The following GRK5 variants were observed in gnomAD, a reference collection of about 807,000 sequenced individuals.
GRK5 encodes the protein G protein-coupled receptor kinase 5, also known as g protein-coupled receptor kinase GRK5.
In GRK5, 40 loss-of-function variants were observed where a neutral mutation model predicts 78.4. The observed-to-expected ratio is 0.51, with a 90% CI of 0.40 to 0.66. The LOEUF (loss-of-function observed/expected upper bound fraction) is 0.66. Among genes scored for constraint, GRK5 ranks in the 30% least tolerant of loss-of-function variants. The pLI is 0.00. For synonymous variants in GRK5, 289 were observed against 296.8 expected, an observed-to-expected ratio of 0.97 and a Z score of 0.27; for missense variants, 598 against 759.9, an observed-to-expected ratio of 0.79 and a Z score of 2.50.
intron 2 of GRK5, among the ~76,000 whole-genome samples, chr10:119,337,490 C>T (rs546164234): frequency 1.1e-4 from 16 of 152,232 alleles, no homozygotes; most frequent in Middle Eastern, 3.4e-3. Flanking sequence ...AGGCCTCTCC[C>T]GTGGCTTCTG....
intron 1 of GRK5, among the ~76,000 whole-genome samples, chr10:119,275,363 G>A (rs1849651086): frequency 6.6e-6 from 1 of 152,162 alleles, no homozygotes; most frequent in Non-Finnish European, 1.5e-5. Context: ...CCTCGGTCAG[G>A]CTTGGATACC....
intron 3 of GRK5, among the ~76,000 whole-genome samples, chr10:119,393,273 G>A (rs1354362545): frequency 1.3e-5 from 2 of 152,274 alleles, no homozygotes; most frequent in African/African-American, 4.8e-5. Context: ...GGCAGGGGAG[G>A]CCTGTCCCCG....
chr10:119,273,065 A>T (rs1371601326), intron 1 of GRK5, among the ~76,000 whole-genome samples: 1 of 152,220 alleles, frequency 6.6e-6, no homozygotes, highest in Non-Finnish European at 1.5e-5. Flanking sequence ...TTGATACCAC[A>T]TACAAGCCAG....
intron 2 of GRK5, among the ~76,000 whole-genome samples, chr10:119,327,359 T>C (rs1488736941): frequency 3.9e-5 from 6 of 152,164 alleles, no homozygotes; most frequent in African/African-American, 1.4e-4. Flanking sequence ...CCAGAGTGTT[T>C]GGGGTCCCGG....
intron 4 of GRK5, among the ~76,000 whole-genome samples, chr10:119,422,724 G>A (rs970481422): frequency 6.6e-6 from 1 of 152,236 alleles, no homozygotes; most frequent in Non-Finnish European, 1.5e-5. Flanking sequence ...AGCCTGCTGG[G>A]GGCTCAGTGA....
At chr10:119,307,340 AAT>A (rs1295347361) in intron 1 of GRK5, among the ~76,000 whole-genome samples, 1 of 152,078 alleles carries the variant, frequency 6.6e-6, no homozygotes, top group Non-Finnish European at 1.5e-5. Flanking sequence ...GCAACTTGTG[AAT>A]ATGTTACCTA....
chr10:119,246,864 A>G (rs1489299313), intron 1 of GRK5, among the ~76,000 whole-genome samples: 1 of 152,204 alleles, frequency 6.6e-6, no homozygotes, highest in Non-Finnish European at 1.5e-5. Context: ...GTCACCTGAG[A>G]AGGGCTGGTC....
Position 119,253,171 on chromosome 10 carries a change from G to A in GRK5, c.52+45202G>A, listed in dbSNP as rs1849229040. Among the ~76,000 whole-genome samples the A allele has an allele frequency of 6.6e-6, 1 of 152,176 alleles. No individual in the cohort carries two copies. Among genetic ancestry groups the A allele is most frequent in the Non-Finnish European group, 1.5e-5 (1 of 68,032 alleles). ...TGACAGCACAGGTTTGACAGAGGGT[G>A]TCTACACCACCCAGTGCCCCCTTGA... On this transcript the variant is annotated intron_variant, in intron 1 of 15. Transcript: ENST00000392870. The surrounding 1 kb of genome is among the most constrained non-coding windows in gnomAD (Gnocchi z 5.7).
At position 119,448,217 on chromosome 10, in the gene GRK5, A is replaced by G. The variant is rs1171690251; in HGVS notation, c.1361A>G (p.Lys454Arg). 6.3e-6 allele frequency: 10 copies of G among 1,597,902 alleles called. No homozygotes were observed. Among genetic ancestry groups the G allele is most frequent in the Non-Finnish European group, 8.5e-6 (10 of 1,173,124 alleles). ...RHPFFRNMNFKRLEAGMLDPP... is the reference protein window; with the variant it reads ...RHPFFRNMNFRRLEAGMLDPP... ...CCCTTCTTCAGGAACATGAACTTCAAGCGCTTAGAAGCCGGGATGTTGGAC... is the reference window on the plus strand; with the variant it reads ...CCCTTCTTCAGGAACATGAACTTCAGGCGCTTAGAAGCCGGGATGTTGGAC... Residue 454 changes from lysine to arginine, a missense_variant, in exon 13 of 16, where the codon AAG becomes AGG. Lys to Arg is a conservative substitution (Grantham distance 26). Transcript: ENST00000392870.
At position 119,448,220 on chromosome 10, in the gene GRK5, G is replaced by T; in HGVS notation, c.1364G>T (p.Arg455Leu). 1 of 1,597,760 alleles carries T rather than the reference G, an allele frequency of 6.3e-7. No individual in the cohort carries two copies. Among genetic ancestry groups the T allele is most frequent in the Non-Finnish European group, 8.5e-7 (1 of 1,173,098 alleles). Reference sequence around the variant, plus strand: ...TTCTTCAGGAACATGAACTTCAAGCGCTTAGAAGCCGGGATGTTGGACCCT... The same window carrying T: ...TTCTTCAGGAACATGAACTTCAAGCTCTTAGAAGCCGGGATGTTGGACCCT... ...HPFFRNMNFKRLEAGMLDPPF... is the reference protein window; with the variant it reads ...HPFFRNMNFKLLEAGMLDPPF... The change falls in exon 13 of 16, where the codon CGC (arginine) becomes CTC (leucine). Residue 455 changes from arginine (R) to leucine (L), a missense_variant. Coordinates refer to ENST00000392870, the MANE Select transcript of GRK5 (RefSeq NM_005308.3).
At chr10:119,268,136 C>T (rs908076295) in intron 1 of GRK5, among the ~76,000 whole-genome samples, 2 of 152,214 alleles carry the variant, frequency 1.3e-5, no homozygotes, top group African/African-American at 4.8e-5. Context: ...CAGCTCCATG[C>T]ACACGCCTAG....
chr10:119,364,191 C>A (rs891880605), intron 2 of GRK5, among the ~76,000 whole-genome samples: 1 of 152,158 alleles, frequency 6.6e-6, no homozygotes, highest in Non-Finnish European at 1.5e-5. Context: ...CAGATCCAAC[C>A]CCAGCCCAAT....
chr10:119,282,059 C>T (rs890910241), intron 1 of GRK5, among the ~76,000 whole-genome samples: 2 of 152,096 alleles, frequency 1.3e-5, no homozygotes, highest in Non-Finnish European at 2.9e-5. Context: ...TGGCCACTGT[C>T]GCTTTCTGTG....
chr10:119,337,491 G>A (rs567733392), intron 2 of GRK5, among the ~76,000 whole-genome samples: 16 of 152,150 alleles, frequency 1.1e-4, no homozygotes, highest in Non-Finnish European at 1.5e-4. Context: ...GGCCTCTCCC[G>A]TGGCTTCTGT....
chr10:119,346,118 C>T (rs1851087866), intron 2 of GRK5, among the ~76,000 whole-genome samples: 1 of 152,182 alleles, frequency 6.6e-6, no homozygotes, highest in East Asian at 1.9e-4. Flanking sequence ...GTGCCTCCTC[C>T]ACCTTTGTAA....
intron 1 of GRK5, among the ~76,000 whole-genome samples, chr10:119,224,877 A>G (rs925989093): frequency 4.6e-5 from 7 of 152,208 alleles, no homozygotes; most frequent in African/African-American, 1.7e-4. Flanking sequence ...CTCTCCAAGC[A>G]AAACCATCCT....
chr10:119,269,048 G>A (rs1391199826), intron 1 of GRK5, among the ~76,000 whole-genome samples: 1 of 152,264 alleles, frequency 6.6e-6, no homozygotes. Flanking sequence ...TCTGCTCAGG[G>A]TAGATTTGGG....
At chr10:119,395,944 T>C (rs1417761776) in intron 3 of GRK5, among the ~76,000 whole-genome samples, 1 of 152,186 alleles carries the variant, frequency 6.6e-6, no homozygotes, top group African/African-American at 2.4e-5. Context: ...TTCTCCTGCG[T>C]CACTGCCCTG....
chr10:119,355,590 C>A (rs1204222819), intron 2 of GRK5, among the ~76,000 whole-genome samples: 2 of 152,172 alleles, frequency 1.3e-5, no homozygotes, highest in Non-Finnish European at 2.9e-5. Context: ...ACCAGCCTGA[C>A]CAACATGGCG....
Sources: gnomAD v4.1 joint callset for allele counts (sites outside exome capture counted in the v4.1 genomes callset) on GRCh38, gnomAD v4.1.1 for gene constraint, Gnocchi (gnomAD v3.1) non-coding constraint, MANE v1.5 for transcripts, NCBI Gene and HGNC (gene_info 2026-07-23, HGNC 2026-07-21) for gene names.